The following ANXA2 variants were observed in gnomAD, a reference collection of about 807,000 sequenced individuals.
ANXA2 encodes annexin A2.
Under a neutral mutation model 47.3 loss-of-function variants are expected in ANXA2, and 28 were observed. That is an observed-to-expected ratio of 0.59 (90% CI 0.44 to 0.81). The LOEUF (loss-of-function observed/expected upper bound fraction) is 0.81. Ranked by LOEUF, ANXA2 falls within the 40% of genes least tolerant of loss-of-function variation. The pLI is 0.00. For missense variants in ANXA2, 384 were observed against 414.3 expected (o/e 0.93, Z 0.64); for synonymous variants, 172 against 155.5 (o/e 1.11, Z -0.79).
At chr15:60,393,341 T>G (rs2063039601) in intron 1 of ANXA2, 1 of 1,003,418 alleles carries the variant, frequency 1.0e-6, no homozygotes, top group Non-Finnish European at 1.2e-6. Flanking sequence ...TCACTTGGCA[T>G]GAAGCACTTT....
chr15:60,397,432 T>C, intron 1 of ANXA2: 1 of 574,004 alleles, frequency 1.7e-6, no homozygotes, highest in Non-Finnish European at 2.2e-6. Flanking sequence ...CTTCCCCCGC[T>C]ACTTCCCTCC....
chr15:60,370,911 G>C (rs1222319483), intron 3 of ANXA2, among the ~76,000 whole-genome samples: 2 of 152,206 alleles, frequency 1.3e-5, no homozygotes, highest in African/African-American at 2.4e-5. Context: ...TCGTGTGTCT[G>C]ATATGAGTGA....
intron 1 of ANXA2, chr15:60,386,386 C>T (rs1377781622): frequency 3.3e-6 from 1 of 303,960 alleles, no homozygotes; most frequent in African/African-American, 2.1e-5. Flanking sequence ...CTAATGCAAC[C>T]TGTTCAGACA....
Position 60,364,450 on chromosome 15 carries a change from G to A in ANXA2, c.222C>T (p.Ala74=), listed in dbSNP as rs2062562683. 1.2e-6 allele frequency: 2 copies of A among 1,612,772 alleles called. No homozygotes were observed. The highest frequency in any genetic ancestry group is 1.3e-5 in the African/African-American group (1 of 74,994). The part of the protein sequence containing the change: ...SNAQRQDIAF[A]YQRRTKKELA... ...GTACCTTTTTGGTCCTTCTCTGGTA[G>A]GCGAAGGCAATATCCTGTCTCTGTG... Residue 74 remains alanine (A), a synonymous_variant, in exon 4 of 13, where the codon GCC becomes GCT. Transcript: ENST00000451270.
chr15:60,357,322 A>G (rs2062446621), intron 5 of ANXA2, 86 bp from the exon 6 acceptor site: 5 of 1,123,032 alleles, frequency 4.5e-6, no homozygotes, highest in South Asian at 1.3e-5. Context: ...GTAAATTGCA[A>G]ACATGGATTG....
chr15:60,386,874 A>G (rs1416541853), intron 1 of ANXA2: 1 of 152,240 alleles, frequency 6.6e-6, no homozygotes, highest in African/African-American at 2.4e-5. Context: ...AACAGAGACA[A>G]GACAGGTCAT....
intron 3 of ANXA2, among the ~76,000 whole-genome samples, chr15:60,377,803 A>G (rs1238387629): frequency 1.3e-5 from 2 of 152,072 alleles, no homozygotes; most frequent in Non-Finnish European, 2.9e-5. Flanking sequence ...AAAAGAAATC[A>G]TAGGCCAGGC....
intron 3 of ANXA2, among the ~76,000 whole-genome samples, chr15:60,365,199 TTTTAATCTAAA>T (rs2062578453): frequency 1.3e-5 from 2 of 151,866 alleles, no homozygotes; most frequent in Non-Finnish European, 2.9e-5. Flanking sequence ...AGAGTAAGTG[TTTTAATCTAAA>T]TTAAATCTAA....
chr15:60,384,674 C>G (rs969765314), intron 2 of ANXA2: 4 of 152,160 alleles, frequency 2.6e-5, no homozygotes, highest in African/African-American at 9.7e-5. Flanking sequence ...AGCATGCACA[C>G]GTTTCAAGAA....
chr15:60,365,451 C>A (rs534931825), intron 3 of ANXA2, among the ~76,000 whole-genome samples: 2 of 152,246 alleles, frequency 1.3e-5, no homozygotes, highest in East Asian at 3.9e-4. Flanking sequence ...ACAGTCTTTG[C>A]CATAACTGGA....
At chr15:60,363,408 C>T (rs1331121302) in intron 4 of ANXA2, among the ~76,000 whole-genome samples, 6 of 152,282 alleles carry the variant, frequency 3.9e-5, no homozygotes, top group Non-Finnish European at 7.4e-5. Context: ...CCCTGCTGGT[C>T]ATGTCAATCC....
At chr15:60,392,974 G>T in intron 1 of ANXA2, 1 of 1,172,886 alleles carries the variant, frequency 8.5e-7, no homozygotes, top group African/African-American at 1.6e-5. Flanking sequence ...TGTACTGGGT[G>T]AGGAGAGGGG....
chr15:60,366,945 G>A (rs1364322193), intron 3 of ANXA2, among the ~76,000 whole-genome samples: 82 of 70,272 alleles, frequency 1.2e-3, no homozygotes, highest in Admixed American at 1.8e-3. Flanking sequence ...CCCTCTGCCC[G>A]GCCAGCCGCC....
intron 5 of ANXA2, among the ~76,000 whole-genome samples, chr15:60,358,542 T>C (rs912795919): frequency 1.3e-5 from 2 of 152,184 alleles, no homozygotes; most frequent in Non-Finnish European, 1.5e-5. Flanking sequence ...CCCGAAAAAG[T>C]AGTTTGTATA....
chr15:60,356,915 C>G (rs1248037140), intron 6 of ANXA2, among the ~76,000 whole-genome samples: 1 of 152,180 alleles, frequency 6.6e-6, no homozygotes, highest in Non-Finnish European at 1.5e-5. Flanking sequence ...TCCTGTCTAC[C>G]CTTCTTCTAA....
At chr15:60,392,977 G>A (rs11631777) in intron 1 of ANXA2, 223,245 of 1,201,658 alleles carry the variant, frequency 0.19, 21,592 homozygotes, top group Middle Eastern at 0.25. Flanking sequence ...ACTGGGTGAG[G>A]AGAGGGGTTC....
Position 60,377,368 on chromosome 15 carries a change from C to G in ANXA2, c.148+4974G>C, listed in dbSNP as rs1470072386. On this transcript the variant is annotated intron_variant, in intron 3 of 12. Coordinates refer to ENST00000451270, the MANE Select transcript of ANXA2 (RefSeq NM_004039.3). ...CCACTATGAAAGTAATACAAGTCAT[C>G]ATAGAAAATTTGCAAAATACAGAAA... 2.6e-5 allele frequency among the ~76,000 whole-genome samples: 4 copies of G among 152,194 alleles called. No individual in the cohort carries two copies. The East Asian group carries it at 7.7e-4, about 29-fold the overall frequency.
chr15:60,359,305 G>A (rs757589799), intron 5 of ANXA2, among the ~76,000 whole-genome samples: 6 of 152,132 alleles, frequency 3.9e-5, no homozygotes, highest in Non-Finnish European at 5.9e-5. Context: ...AAAGCCACTC[G>A]AATCACAACT....
intron 9 of ANXA2, 129 bp from the exon 10 acceptor site, chr15:60,351,948 G>A: frequency 1.4e-6 from 1 of 694,520 alleles, no homozygotes; most frequent in Non-Finnish European, 2.5e-6. Flanking sequence ...TAGGAGCTTA[G>A]AGGTTACCAC....
Sources: allele counts gnomAD v4.1 joint callset (sites outside exome capture counted in the v4.1 genomes callset), GRCh38; gene constraint gnomAD v4.1.1; transcripts MANE v1.5; gene names NCBI Gene and HGNC (gene_info 2026-07-23, HGNC 2026-07-21).